The following EPHA8 variants were observed in gnomAD, a reference collection of about 807,000 sequenced individuals.
EPHA8 encodes the protein ephrin type-A receptor 8.
A neutral mutation model predicts 103.6 loss-of-function variants in EPHA8; 58 were observed. The observed-to-expected ratio is 0.56, with a 90% CI of 0.45 to 0.70. The LOEUF is 0.70. Among genes scored for constraint, EPHA8 ranks in the 30% least tolerant of loss-of-function variants. The pLI is 0.00. For synonymous variants in EPHA8, 559 were observed against 572.5 expected (o/e 0.98, Z 0.34); for missense variants, 1,304 against 1,395.2 (o/e 0.93, Z 1.04).
At chr1:22,572,254 C>T (rs776511385) in intron 2 of EPHA8, among the ~76,000 whole-genome samples, 35 of 152,196 alleles carry the variant, frequency 2.3e-4, no homozygotes, top group Non-Finnish European at 4.6e-4. Flanking sequence ...TCCTGATGAA[C>T]GGGGGCTCCG....
chr1:22,596,077 C>G, intron 8 of EPHA8, 29 bp from the exon 9 acceptor site: 1 of 1,611,890 alleles, frequency 6.2e-7, no homozygotes, highest in Non-Finnish European at 8.5e-7. Flanking sequence ...GTGGCCTGGC[C>G]TCAGGCAGGG....
intron 5 of EPHA8, among the ~76,000 whole-genome samples, chr1:22,592,438 C>T (rs868457803): frequency 6.6e-6 from 1 of 152,210 alleles, no homozygotes; most frequent in Middle Eastern, 3.2e-3. Context: ...GGAGCCAAGT[C>T]CCGAACCCAC....
rs1023235175 is a variant in EPHA8, at chr1:22,592,965, G to C, written c.1316-361G>C. 1.6e-4 allele frequency among the ~76,000 whole-genome samples: 25 copies of C among 152,318 alleles called. No homozygotes were observed. In the East Asian group the frequency reaches 4.6e-3, roughly 28 times the overall value. On this transcript the variant is annotated intron_variant, in intron 5 of 16. Transcript: ENST00000166244. ...TCCAAACCCAGGCAGTGAGGGGCCA[G>C]TTCCTCCATTCTTTCTACACTTCTT...
At position 22,576,855 on chromosome 1, in the gene EPHA8, C is replaced by T. The variant is rs1264556280; in HGVS notation, c.798C>T (p.Tyr266=). ...GCAAATGCGTGTGCAGTGCCGGCTA[C>T]GAGGAGCGGCGGGATGCCTGTGTGG... ...PIGKCVCSAG[Y]EERRDACVAC... The change falls in exon 3 of 17, where the codon TAC becomes TAT. Residue 266 remains tyrosine, a synonymous_variant. Transcript: ENST00000166244. This position sits in a 1 kb window ranked among gnomAD's most constrained non-coding sequence, Gnocchi z 4.8. 6.3e-6 allele frequency: 10 copies of T among 1,597,678 alleles called. No homozygotes were observed. The East Asian group carries it at 1.8e-4, about 29-fold the overall frequency.
At chr1:22,596,282 C>A (rs879846530) in intron 9 of EPHA8, 109 bp downstream of exon 9, 5 of 1,130,450 alleles carry the variant, frequency 4.4e-6, no homozygotes, top group South Asian at 1.4e-5. Flanking sequence ...AGTGAAAAAA[C>A]CAGAGCCCAA....
chr1:22,580,127 C>CTTTTTTT (rs764600240), intron 3 of EPHA8, among the ~76,000 whole-genome samples: 3 of 97,426 alleles, frequency 3.1e-5, no homozygotes, highest in Non-Finnish European at 5.8e-5. Context: ...CTTTCTTTCT[C>CTTTTTTT]TTTTTTTTTT....
At position 22,598,216 on chromosome 1, in the gene EPHA8, C is replaced by T. The variant is rs368253003; in HGVS notation, c.2178+4C>T. 124 of 1,612,234 alleles carry T rather than the reference C, an allele frequency of 7.7e-5. No individual in the cohort carries two copies. The highest frequency in any genetic ancestry group is 8.3e-5 in the Admixed American group (5 of 59,912). The stretch of plus-strand genomic sequence containing the variant: ...CTCTCTGGACACCTTCCTGAGGGTG[C>T]GTGTCCCACCCCTGCCTCTTGCATG... On this transcript the variant is annotated splice_donor_region_variant and intron_variant, in intron 12 of 16. Coordinates refer to ENST00000166244, the MANE Select transcript of EPHA8 (RefSeq NM_020526.5). The surrounding 1 kb of genome is among the most constrained non-coding windows in gnomAD (Gnocchi z 5.1).
Position 22,599,038 on chromosome 1 carries a change from C to G in EPHA8, c.2379C>G (p.Tyr793Ter). The G allele has an allele frequency of 6.2e-7, 1 of 1,604,066 alleles. No individual in the cohort carries two copies. Among genetic ancestry groups the G allele is most frequent in the Non-Finnish European group, 8.5e-7 (1 of 1,175,930 alleles). ...RVLEDDPDAA[Y>*]TTTGGKIPIR... ...TGGAGGACGACCCGGATGCTGCCTA[C>G]ACCACCACGGTGCGTCGCCCACACT... is the stretch of plus-strand genomic sequence containing the variant. Residue 793 changes from tyrosine (Y) to a stop codon, truncating the protein, a stop_gained, in exon 13 of 17, where the codon TAC becomes TAG. Coordinates refer to ENST00000166244, the MANE Select transcript of EPHA8 (RefSeq NM_020526.5). LOFTEE classifies it high-confidence loss of function.
At position 22,567,113 on chromosome 1, in the gene EPHA8, C is replaced by T. The variant is rs74060284; in HGVS notation, c.95-2176C>T. ...GTGTCTGCAGGCCCTGAAGCCTGCACGCTCCAGGGCGAGAATCCTAAGCAG... is the reference window on the plus strand; with the variant it reads ...GTGTCTGCAGGCCCTGAAGCCTGCATGCTCCAGGGCGAGAATCCTAAGCAG... On this transcript the variant is annotated intron_variant, in intron 1 of 16. Transcript: ENST00000166244. This position sits in a 1 kb window ranked among gnomAD's most constrained non-coding sequence, Gnocchi z 4.2. 4.5e-4 allele frequency among the ~76,000 whole-genome samples: 68 copies of T among 152,228 alleles called. No individual in the cohort carries two copies. Among genetic ancestry groups the T allele is most frequent in the Non-Finnish European group, 8.5e-4 (58 of 68,010 alleles).
chr1:22,599,103 G>A, intron 13 of EPHA8, 56 bp downstream of exon 13: 1 of 1,528,794 alleles, frequency 6.5e-7, no homozygotes, highest in South Asian at 1.2e-5. Flanking sequence ...TGGCGCCGGT[G>A]GCACCCAGGG....
At chr1:22,586,422 C>T (rs982574954) in intron 3 of EPHA8, 58 bp from the exon 4 acceptor site, 5 of 1,586,886 alleles carry the variant, frequency 3.2e-6, no homozygotes, top group Non-Finnish European at 4.3e-6. Flanking sequence ...GTGAGCGGTC[C>T]CCAAGGCCAG....
rs749289225 is a variant in EPHA8 at position 22,600,614 on chromosome 1, C to T, written c.2389-47C>T. On this transcript the variant is annotated intron_variant, in intron 13 of 16. Transcript: ENST00000166244. ...TCTGACTCAGACGGCTCGGGGGACACCCTGCCAGGCCTGGGCAGCCCCTCA... is the reference window on the plus strand; with the variant it reads ...TCTGACTCAGACGGCTCGGGGGACATCCTGCCAGGCCTGGGCAGCCCCTCA... 43 of 1,604,186 alleles carry T rather than the reference C, an allele frequency of 2.7e-5. 1 individual carries two copies. Among genetic ancestry groups the T allele is most frequent in the Middle Eastern group, 4.1e-4 (2 of 4,932 alleles).
At position 22,596,173 on chromosome 1, in the gene EPHA8, G is replaced by A. The variant is rs774104397; in HGVS notation, c.1765G>A (p.Ala589Thr). 3.1e-6 allele frequency: 5 copies of A among 1,613,786 alleles called. No individual in the cohort carries two copies. In the South Asian group the frequency reaches 4.4e-5, roughly 14 times the overall value. ...GAAGATGCACTATCAGAATGGACAG[G>A]GTGAGTGCAGGGGCCCGGTGGTCTG... is the stretch of plus-strand genomic sequence containing the variant. ...EEKMHYQNGQ[A>T]PPPVFLPLHH... Residue 589 changes from alanine (A) to threonine (T), a missense_variant and splice_region_variant, in exon 9 of 17, where the codon GCA becomes ACA. Coordinates refer to ENST00000166244, the MANE Select transcript of EPHA8 (RefSeq NM_020526.5).
chr1:22,576,709 G>A lies in EPHA8; in HGVS notation c.652G>A (p.Val218Met). ...CAATCTGGCTGCCTTCTCGGAGGCA[G>A]TGACGGGGGCCGACTCGTCCTCACT... ...VRNLAAFSEA[V>M]TGADSSSLVE... is the part of the protein sequence containing the mutation. The change falls in exon 3 of 17, where the codon GTG becomes ATG. Residue 218 changes from valine (V) to methionine (M), a missense_variant. By Grantham distance (21) the Val-to-Met change is conservative. Coordinates refer to ENST00000166244, the MANE Select transcript of EPHA8 (RefSeq NM_020526.5). The surrounding 1 kb of genome is among the most constrained non-coding windows in gnomAD (Gnocchi z 4.8). 2 of 1,613,924 alleles carry A rather than the reference G, an allele frequency of 1.2e-6. No homozygotes were observed. Among genetic ancestry groups the A allele is most frequent in the Non-Finnish European group, 1.7e-6 (2 of 1,180,050 alleles).
intron 3 of EPHA8, among the ~76,000 whole-genome samples, chr1:22,580,918 G>A (rs557364130): frequency 3.9e-5 from 6 of 152,270 alleles, no homozygotes; most frequent in African/African-American, 1.4e-4. Context: ...CCAGAGCTGC[G>A]CCAAACCTCC....
chr1:22,585,999 C>G (rs1330976288), intron 3 of EPHA8, among the ~76,000 whole-genome samples: 2 of 152,176 alleles, frequency 1.3e-5, no homozygotes, highest in Non-Finnish European at 2.9e-5. Flanking sequence ...CCCAGCACCC[C>G]CATCCCTGGC....
chr1:22,563,606 G>A lies in EPHA8; in HGVS notation c.-30G>A, dbSNP rs1640259081. 1 of 129,048 alleles carries A rather than the reference G, an allele frequency of 7.7e-6. No homozygotes were observed. The allele number at this position is 129,048 out of a possible 1,614,324, so 8.0% of individuals were successfully genotyped here. A position where few individuals can be genotyped will look rare whatever the true frequency, so the allele number is the denominator to read the frequency against. Reference sequence around the variant, plus strand: ...CAGCGGCCAAGCCCGAGGGTGCGTGGCGCCCCCGCCCGCCCGGCCCGGCCC... The same window carrying A: ...CAGCGGCCAAGCCCGAGGGTGCGTGACGCCCCCGCCCGCCCGGCCCGGCCC... On this transcript the variant is annotated 5_prime_UTR_variant, in exon 1 of 17. Coordinates refer to ENST00000166244, the MANE Select transcript of EPHA8 (RefSeq NM_020526.5). This position sits in a 1 kb window ranked among gnomAD's most constrained non-coding sequence, Gnocchi z 4.4.
chr1:22,578,225 C>G (rs115612835), intron 3 of EPHA8, among the ~76,000 whole-genome samples: 1 of 85,088 alleles, frequency 1.2e-5, no homozygotes, highest in Non-Finnish European at 2.3e-5. Flanking sequence ...TGTGAGTGTG[C>G]ATGTGTGTAT....
At chr1:22,586,387 C>A (rs1641207659) in intron 3 of EPHA8, 93 bp from the exon 4 acceptor site, 3 of 1,466,748 alleles carry the variant, frequency 2.0e-6, no homozygotes, top group African/African-American at 1.4e-5. Context: ...TCTGGGGCAC[C>A]CCCCAGGAAG....
Sources: allele counts gnomAD v4.1 joint callset (sites outside exome capture counted in the v4.1 genomes callset), GRCh38; gene constraint gnomAD v4.1.1; non-coding constraint Gnocchi (gnomAD v3.1); transcripts MANE v1.5; gene names NCBI Gene and HGNC (gene_info 2026-07-23, HGNC 2026-07-21).